ARID1B: variants seen among roughly 807,000 people sequenced by gnomAD.
The protein encoded by ARID1B is AT-rich interaction domain 1B, also known as AT-rich interactive domain-containing protein 1B.
In ARID1B, 30 loss-of-function variants were observed where a neutral mutation model predicts 212.3. The ratio of observed to expected loss-of-function variants is 0.14; its 90% CI spans 0.11 to 0.19. The LOEUF (loss-of-function observed/expected upper bound fraction) is 0.19. Among genes scored for constraint, ARID1B ranks in the 10% least tolerant of loss-of-function variants. The pLI, the probability that ARID1B is intolerant of heterozygous loss-of-function variation, is 1.00. For missense variants in ARID1B, 2,891 were observed against 3,204.0 expected (o/e 0.90, Z 2.36); for synonymous variants, 1,402 against 1,301.7 (o/e 1.08, Z -1.66).
At position 156,997,992 on chromosome 6, in the gene ARID1B, G is replaced by A. The variant is rs75123048; in HGVS notation, c.2247+62416G>A. On this transcript the variant is annotated intron_variant, in intron 4 of 19. Coordinates refer to ENST00000636930, the MANE Select transcript of ARID1B (RefSeq NM_001374828.1). ...AATTCTTATGGGACAATAATATGGG[G>A]TCTATTTTACCTCTTTCCGTTTAAC... 3.4e-4 allele frequency among the ~76,000 whole-genome samples: 52 copies of A among 152,250 alleles called. No individual in the cohort carries two copies. The East Asian group carries it at 8.3e-3, about 24-fold the overall frequency.
At chr6:157,191,944 A>G (rs1793410971) in intron 15 of ARID1B, among the ~76,000 whole-genome samples, 1 of 152,198 alleles carries the variant, frequency 6.6e-6, no homozygotes, top group African/African-American at 2.4e-5. Context: ...AAAAAGAACA[A>G]TGGAGAGTCT....
At chr6:157,202,862 TAC>T (rs543556338) in intron 18 of ARID1B, among the ~76,000 whole-genome samples, 4,441 of 151,126 alleles carry the variant, frequency 0.029, 222 homozygotes, top group African/African-American at 0.1. Context: ...TAGAAATATA[TAC>T]ACACACACAC....
chr6:157,174,335 G>C (rs1479016215), intron 10 of ARID1B: 11 of 473,908 alleles, frequency 2.3e-5, no homozygotes, highest in Admixed American at 7.4e-5. Flanking sequence ...ACTCACGGTT[G>C]GGGGAGAGGG....
intron 1 of ARID1B, among the ~76,000 whole-genome samples, chr6:156,821,279 G>A (rs1342160358): frequency 2.0e-5 from 3 of 152,210 alleles, no homozygotes; most frequent in Non-Finnish European, 2.9e-5. Flanking sequence ...TGCCAAGAGC[G>A]CAGAGCTCTT....
intron 4 of ARID1B, among the ~76,000 whole-genome samples, chr6:157,039,674 C>CTTCTTTCTTTCTTTCTTTCT (rs1166401045): frequency 1.6e-4 from 12 of 77,000 alleles, no homozygotes; most frequent in African/African-American, 7.5e-4. Context: ...TCCTTCCTTC[C>CTTCTTTCTTTCTTTCTTTCT]TTCCTTCCTT....
Position 157,184,471 on chromosome 6 carries a change from G to C in ARID1B, c.3919+36G>C, listed in dbSNP as rs375310361. 3.2e-5 allele frequency: 51 copies of C among 1,612,154 alleles called. No individual in the cohort carries two copies. The African/African-American group carries it at 6.3e-4, about 20-fold the overall frequency. On this transcript the variant is annotated intron_variant, in intron 13 of 19. Transcript: ENST00000636930. ...GCGCTGCAGTCACTGGCCCAGGAAA[G>C]CCCAGGCGCCTGGCCTGGGAGGTTC...
intron 3 of ARID1B, among the ~76,000 whole-genome samples, chr6:156,908,983 T>C (rs1225726473): frequency 6.6e-6 from 1 of 152,058 alleles, no homozygotes; most frequent in Non-Finnish European, 1.5e-5. Flanking sequence ...TTTTCCCATG[T>C]CTGCTGCCCT....
At chr6:156,842,524 G>T (rs1682098378) in intron 2 of ARID1B, among the ~76,000 whole-genome samples, 1 of 152,064 alleles carries the variant, frequency 6.6e-6, no homozygotes, top group African/African-American at 2.4e-5. Context: ...ATAGACATTT[G>T]GGTTGTTTCC....
At chr6:156,902,484 C>T (rs568080986) in intron 3 of ARID1B, among the ~76,000 whole-genome samples, 4 of 151,860 alleles carry the variant, frequency 2.6e-5, no homozygotes, top group African/African-American at 9.7e-5. Flanking sequence ...TAATTTTAAT[C>T]AGTTTGGCTG....
intron 6 of ARID1B, among the ~76,000 whole-genome samples, chr6:157,130,569 A>G (rs1314835670): frequency 6.6e-6 from 1 of 152,254 alleles, no homozygotes. Context: ...CATAAGGCTT[A>G]TCTTTATAAA....
intron 3 of ARID1B, among the ~76,000 whole-genome samples, chr6:156,921,978 G>A (rs1251537091): frequency 6.6e-6 from 1 of 152,046 alleles, no homozygotes; most frequent in Non-Finnish European, 1.5e-5. Context: ...TGGCAAGACA[G>A]GCTTTTGAGG....
chr6:157,104,882 T>C (rs1427887385), intron 5 of ARID1B, among the ~76,000 whole-genome samples: 1 of 152,124 alleles, frequency 6.6e-6, no homozygotes, highest in African/African-American at 2.4e-5. Context: ...CTAAAGTTCA[T>C]ATAGAAAAAC....
At chr6:156,838,857 G>A (rs957476039) in intron 2 of ARID1B, among the ~76,000 whole-genome samples, 1 of 152,094 alleles carries the variant, frequency 6.6e-6, no homozygotes, top group African/African-American at 2.4e-5. Flanking sequence ...TGGGATCTGT[G>A]ACCTCAGATA....
chr6:157,101,811 G>C (rs1018596362), intron 5 of ARID1B, among the ~76,000 whole-genome samples: 1 of 152,198 alleles, frequency 6.6e-6, no homozygotes, highest in Non-Finnish European at 1.5e-5. Context: ...GAATGGATCT[G>C]AGGCATTAAA....
chr6:156,955,658 C>A lies in ARID1B; in HGVS notation c.2247+20082C>A, dbSNP rs1191270340. Among the ~76,000 whole-genome samples, 1 of 152,168 alleles carries A rather than the reference C, an allele frequency of 6.6e-6. No homozygotes were observed. Among genetic ancestry groups the A allele is most frequent in the Non-Finnish European group, 1.5e-5 (1 of 68,034 alleles). On this transcript the variant is annotated intron_variant, in intron 4 of 19. Coordinates refer to ENST00000636930, the MANE Select transcript of ARID1B (RefSeq NM_001374828.1). The surrounding 1 kb of genome is among the most constrained non-coding windows in gnomAD (Gnocchi z 4.2). ...GCCACCTGAGTGATACGCCTCAGCTCCTTCCCTGTGTCCAGGAGGAACAGC... is the reference window on the plus strand; with the variant it reads ...GCCACCTGAGTGATACGCCTCAGCTACTTCCCTGTGTCCAGGAGGAACAGC...
chr6:156,837,440 G>A (rs1029242409), intron 2 of ARID1B, among the ~76,000 whole-genome samples: 3 of 152,172 alleles, frequency 2.0e-5, no homozygotes, highest in Admixed American at 6.5e-5. Flanking sequence ...TATGTTCTGT[G>A]CATTACCTTA....
At chr6:156,945,222 C>A (rs527434251) in intron 4 of ARID1B, among the ~76,000 whole-genome samples, 34 of 137,262 alleles carry the variant, frequency 2.5e-4, no homozygotes, top group East Asian at 1.0e-3. Flanking sequence ...GGTGTGAGCC[C>A]CCGCATCCGG....
intron 6 of ARID1B, among the ~76,000 whole-genome samples, chr6:157,120,338 T>C (rs1262642101): frequency 6.6e-6 from 1 of 152,168 alleles, no homozygotes; most frequent in Non-Finnish European, 1.5e-5. Context: ...GTGGGGTGGA[T>C]GGGGACAGCT....
intron 1 of ARID1B, among the ~76,000 whole-genome samples, chr6:156,791,878 G>T (rs1167738374): frequency 6.6e-6 from 1 of 152,124 alleles, no homozygotes; most frequent in African/African-American, 2.4e-5. Flanking sequence ...TTGCTAATTC[G>T]TTTTGACTCT....
Sources: gnomAD v4.1 joint callset for allele counts (sites outside exome capture counted in the v4.1 genomes callset) on GRCh38, gnomAD v4.1.1 for gene constraint, Gnocchi (gnomAD v3.1) non-coding constraint, MANE v1.5 for transcripts, NCBI Gene and HGNC (gene_info 2026-07-23, HGNC 2026-07-21) for gene names.